Variants in MCC observed in about 807,000 individuals in gnomAD.
MCC encodes the protein colorectal mutant cancer protein.
A neutral mutation model predicts 116.2 loss-of-function variants in MCC; 90 were observed. That is an observed-to-expected ratio of 0.77 (90% CI 0.65 to 0.92). The LOEUF is 0.92. Among genes scored for constraint, MCC ranks in the 40% least tolerant of loss-of-function variants. The pLI is 0.00. For missense variants in MCC, 1,516 were observed against 1,312.2 expected, an observed-to-expected ratio of 1.16 and a Z score of -2.40; for synonymous variants, 578 against 510.5, an observed-to-expected ratio of 1.13 and a Z score of -1.78.
At chr5:113,298,695 A>G (rs944031648) in intron 3 of MCC, among the ~76,000 whole-genome samples, 1 of 152,184 alleles carries the variant, frequency 6.6e-6, no homozygotes, top group African/African-American at 2.4e-5. Context: ...CTTGGATAGG[A>G]GGGGATGCTG....
chr5:113,081,708 T>TTATCA (rs1381683519), intron 11 of MCC, among the ~76,000 whole-genome samples: 1 of 152,198 alleles, frequency 6.6e-6, no homozygotes, highest in Non-Finnish European at 1.5e-5. Context: ...ATCACCAGGA[T>TTATCA]TATCACTCTT....
chr5:113,028,471 C>T (rs1369623694), intron 18 of MCC, among the ~76,000 whole-genome samples: 1 of 151,982 alleles, frequency 6.6e-6, no homozygotes, highest in Non-Finnish European at 1.5e-5. Context: ...ATACAACTTA[C>T]AGGAACAAAA....
chr5:113,029,380 A>G lies in MCC; in HGVS notation c.2757-324T>C, dbSNP rs565485505. On this transcript the variant is annotated intron_variant, in intron 17 of 18. Coordinates refer to ENST00000408903, the MANE Select transcript of MCC (RefSeq NM_001085377.2). Reference sequence around the variant, plus strand: ...CTATTGGCATACCAGATCCTCAGCAATGAGTGCGGCCTGACCACAAACCCC... The same window carrying G: ...CTATTGGCATACCAGATCCTCAGCAGTGAGTGCGGCCTGACCACAAACCCC... Among the ~76,000 whole-genome samples the G allele has an allele frequency of 6.7e-5, 10 of 150,366 alleles. No homozygotes were observed. In the South Asian group the frequency reaches 1.9e-3, roughly 29 times the overall value.
chr5:113,313,217 C>T (rs922650055), intron 3 of MCC, among the ~76,000 whole-genome samples: 9 of 151,762 alleles, frequency 5.9e-5, no homozygotes, highest in Non-Finnish European at 8.8e-5. Context: ...TGTGGTGGTG[C>T]GCACCTATAA....
chr5:113,153,670 T>C (rs1028512377), intron 3 of MCC, among the ~76,000 whole-genome samples: 6 of 152,206 alleles, frequency 3.9e-5, no homozygotes, highest in Admixed American at 1.3e-4. Flanking sequence ...GCATGCATAT[T>C]TTCCACCCAA....
chr5:113,354,983 C>T (rs1293164161), intron 2 of MCC, among the ~76,000 whole-genome samples: 5 of 151,742 alleles, frequency 3.3e-5, no homozygotes, highest in African/African-American at 1.2e-4. Context: ...TATGTATACA[C>T]ATATATATGA....
intron 8 of MCC, among the ~76,000 whole-genome samples, chr5:113,090,776 C>T (rs1755571840): frequency 6.6e-6 from 1 of 152,140 alleles, no homozygotes; most frequent in Non-Finnish European, 1.5e-5. Flanking sequence ...TGAAACTTCC[C>T]GGCATATGAC....
chr5:113,475,352 G>A (rs1040179079), intron 1 of MCC, among the ~76,000 whole-genome samples: 3 of 152,186 alleles, frequency 2.0e-5, no homozygotes, highest in Non-Finnish European at 4.4e-5. Flanking sequence ...ATGCTTATTA[G>A]TCAATCTAGA....
In MCC at chr5:113,439,359, C is replaced by T. The variant is rs138479335; in HGVS notation, c.170+48886G>A. On this transcript the variant is annotated intron_variant, in intron 1 of 18. Coordinates refer to ENST00000408903, the MANE Select transcript of MCC (RefSeq NM_001085377.2). ...GGTTTCACAGAGGTGATGAGACACACGAGGCCTTGAAGCAAAGGTAGATGT... is the reference window on the plus strand; with the variant it reads ...GGTTTCACAGAGGTGATGAGACACATGAGGCCTTGAAGCAAAGGTAGATGT... Among the ~76,000 whole-genome samples, 415 of 152,012 alleles carry T rather than the reference C, an allele frequency of 2.7e-3. 1 individual carries two copies. The highest frequency in any genetic ancestry group is 5.3e-3 in the Non-Finnish European group (363 of 67,990).
chr5:113,284,453 C>G (rs1380590381), intron 3 of MCC, among the ~76,000 whole-genome samples: 2 of 152,126 alleles, frequency 1.3e-5, no homozygotes, highest in African/African-American at 2.4e-5. Flanking sequence ...TAAACTTTCT[C>G]CTTTTAAAAT....
intron 2 of MCC, among the ~76,000 whole-genome samples, chr5:113,358,982 G>A (rs146792211): frequency 1.1e-4 from 16 of 152,266 alleles, no homozygotes; most frequent in African/African-American, 3.9e-4. Flanking sequence ...GGAGAACTGG[G>A]TGGGAATGTA....
intron 11 of MCC, among the ~76,000 whole-genome samples, chr5:113,074,124 C>A (rs775775353): frequency 6.6e-6 from 1 of 152,220 alleles, no homozygotes; most frequent in African/African-American, 2.4e-5. Context: ...CTGGGAGACA[C>A]CTCCCAGTAG....
At position 113,109,408 on chromosome 5, in the gene MCC, C is replaced by T. The variant is rs147997946; in HGVS notation, c.1028-5053G>A. 3.6e-3 allele frequency among the ~76,000 whole-genome samples: 549 copies of T among 152,222 alleles called. 2 individuals are homozygous for T. The highest frequency in any genetic ancestry group is 0.013 in the African/African-American group (528 of 41,532). Reference sequence around the variant, plus strand: ...TATACTAATTAGAATAAATCAGACACAACATGACAAATATTTCCACTAATA... The same window carrying T: ...TATACTAATTAGAATAAATCAGACATAACATGACAAATATTTCCACTAATA... On this transcript the variant is annotated intron_variant, in intron 6 of 18. Coordinates refer to ENST00000408903, the MANE Select transcript of MCC (RefSeq NM_001085377.2).
chr5:113,432,343 A>AG (rs1431167485), intron 1 of MCC, among the ~76,000 whole-genome samples: 1 of 147,728 alleles, frequency 6.8e-6, no homozygotes, highest in Non-Finnish European at 1.5e-5. Context: ...AAAAAAAAAA[A>AG]GAAAAGAAAA....
At chr5:113,294,640 G>C in intron 3 of MCC, 1 of 1,117,110 alleles carries the variant, frequency 9.0e-7, no homozygotes, top group Non-Finnish European at 1.1e-6. Flanking sequence ...CTGCGGCAGC[G>C]GCGGAGCCCG....
At chr5:113,367,528 T>C (rs1768726651) in intron 2 of MCC, among the ~76,000 whole-genome samples, 1 of 150,912 alleles carries the variant, frequency 6.6e-6, no homozygotes, top group African/African-American at 2.4e-5. Flanking sequence ...GACTAGAGGT[T>C]CTTGATTTCT....
At chr5:113,094,873 C>T (rs1157849452) in intron 8 of MCC, among the ~76,000 whole-genome samples, 1 of 152,174 alleles carries the variant, frequency 6.6e-6, no homozygotes, top group East Asian at 1.9e-4. Context: ...AGTTGCCTCA[C>T]AATCTCCGTG....
intron 1 of MCC, among the ~76,000 whole-genome samples, chr5:113,465,534 C>T (rs1771877357): frequency 6.6e-6 from 1 of 152,062 alleles, no homozygotes; most frequent in East Asian, 1.9e-4. Context: ...GATTTGGCTG[C>T]ATAACCATAT....
chr5:113,439,978 G>C (rs561312807), intron 1 of MCC, among the ~76,000 whole-genome samples: 43 of 152,148 alleles, frequency 2.8e-4, no homozygotes, highest in African/African-American at 9.6e-4. Flanking sequence ...CCTCACTGTA[G>C]CCTCAACCTC....
Sources: allele counts gnomAD v4.1 joint callset (sites outside exome capture counted in the v4.1 genomes callset), GRCh38; gene constraint gnomAD v4.1.1; transcripts MANE v1.5; gene names NCBI Gene and HGNC (gene_info 2026-07-23, HGNC 2026-07-21).